MPP2: variants seen among roughly 807,000 people sequenced by gnomAD.
MPP2 encodes the protein MAGUK p55 scaffold protein 2.
Under a neutral mutation model 58.5 loss-of-function variants are expected in MPP2, and 42 were observed. The ratio of observed to expected loss-of-function variants is 0.72; its 90% confidence interval spans 0.56 to 0.93. The LOEUF (loss-of-function observed/expected upper bound fraction) is 0.93. MPP2 is among the 40% of genes least tolerant of loss of function. The pLI is 0.00. For missense variants in MPP2, 632 were observed against 760.4 expected, an observed-to-expected ratio of 0.83 and a Z score of 1.99; for synonymous variants, 300 against 307.8, an observed-to-expected ratio of 0.97 and a Z score of 0.26.
In MPP2 at chr17:43,877,451, G is replaced by C. The variant is rs531454984; in HGVS notation, c.*356C>G. ...CTGGTGACTGGGGAGGGGTGGCAGG[G>C]GGCAGTGTGCCTACTGACCATGTGG... On this transcript the variant is annotated 3_prime_UTR_variant, in exon 13 of 13. Coordinates refer to ENST00000269095, the MANE Select transcript of MPP2 (RefSeq NM_005374.5). 20 of 196,538 alleles carry C rather than the reference G, an allele frequency of 1.0e-4. No individual in the cohort carries two copies. Among genetic ancestry groups the C allele is most frequent in the African/African-American group, 4.3e-4 (19 of 43,984 alleles). The allele number at this position is 196,538 out of a possible 1,614,324, so 12.2% of individuals were successfully genotyped here. A position where few individuals can be genotyped will look rare whatever the true frequency, so the allele number is the denominator to read the frequency against.
rs554188601 is a variant in MPP2 at position 43,901,002 on chromosome 17, C to T, written c.32-2622G>A. Among the ~76,000 whole-genome samples, 25 of 152,130 alleles carry T rather than the reference C, an allele frequency of 1.6e-4. No homozygotes were observed. The South Asian group carries it at 4.2e-3, about 25-fold the overall frequency. On this transcript the variant is annotated intron_variant, in intron 2 of 12. Transcript: ENST00000269095. ...TCCCTGTACCCTCTTTTCTAGAAGC[C>T]CCTCCTCTAATACACCCCATGCCAC...
chr17:43,906,036 A>C, intron 1 of MPP2: 2 of 918,404 alleles, frequency 2.2e-6, no homozygotes. Flanking sequence ...CCTAGAGAGC[A>C]GGGAGGAGGG....
chr17:43,887,813 AT>A (rs11311164), intron 3 of MPP2, among the ~76,000 whole-genome samples: 121,052 of 151,248 alleles, frequency 0.8, 49,413 homozygotes, highest in East Asian at 1. Flanking sequence ...CTATTGTTTG[AT>A]TTTTTTTTTA....
intron 3 of MPP2, among the ~76,000 whole-genome samples, chr17:43,894,905 T>C (rs1014870446): frequency 2.5e-4 from 38 of 152,176 alleles, no homozygotes; most frequent in African/African-American, 8.7e-4. Flanking sequence ...ATTGTTCCAC[T>C]GTACTCCAAC....
chr17:43,878,426 A>G (rs1385034186), intron 12 of MPP2, among the ~76,000 whole-genome samples: 4 of 152,134 alleles, frequency 2.6e-5, no homozygotes, highest in African/African-American at 9.7e-5. Context: ...AGGGCAATCC[A>G]CAAGTACCCA....
intron 1 of MPP2, among the ~76,000 whole-genome samples, chr17:43,906,542 T>TC (rs2048295325): frequency 6.6e-6 from 1 of 151,942 alleles, no homozygotes; most frequent in Non-Finnish European, 1.5e-5. Flanking sequence ...CATCCCTCCA[T>TC]CCATACACAT....
At position 43,898,247 on chromosome 17, in the gene MPP2, C is replaced by G; in HGVS notation, c.150+15G>C. ...AGCACAGTGCCCTTGTGCCCACCTC[C>G]CTGGAGCACTGTACCTTGGCCAGGG... On this transcript the variant is annotated intron_variant, in intron 3 of 12. Transcript: ENST00000269095. The G allele has an allele frequency of 6.2e-7, 1 of 1,601,600 alleles. No homozygotes were observed. Among genetic ancestry groups the G allele is most frequent in the Non-Finnish European group, 8.6e-7 (1 of 1,168,582 alleles).
chr17:43,882,796 C>G, intron 5 of MPP2, 107 bp downstream of exon 5: 1 of 1,512,484 alleles, frequency 6.6e-7, no homozygotes, highest in Non-Finnish European at 9.1e-7. Context: ...ACAAAGCTGG[C>G]CCCATCTTCA....
upstream of MPP2, among the ~76,000 whole-genome samples, chr17:43,909,241 T>A (rs1597825302): frequency 6.6e-6 from 1 of 152,202 alleles, no homozygotes; most frequent in East Asian, 1.9e-4. Flanking sequence ...TAATTTTGTA[T>A]TTTTAGTAGA....
intron 2 of MPP2, among the ~76,000 whole-genome samples, chr17:43,899,735 G>C (rs1166732178): frequency 5.9e-5 from 9 of 152,046 alleles, no homozygotes; most frequent in Admixed American, 5.2e-4. Flanking sequence ...CCCGAAATGG[G>C]ACATAATGGA....
intron 1 of MPP2, chr17:43,906,202 TG>T (rs2048280354): frequency 1.1e-6 from 1 of 924,696 alleles, no homozygotes; most frequent in Non-Finnish European, 1.3e-6. Context: ...ATGAAATCCC[TG>T]CGCTCGGAAG....
chr17:43,902,257 C>A (rs1406939928), intron 2 of MPP2, among the ~76,000 whole-genome samples: 1 of 152,126 alleles, frequency 6.6e-6, no homozygotes, highest in Admixed American at 6.5e-5. Context: ...ACCGCCACAC[C>A]CCAAGGCTCC....
At chr17:43,896,108 C>A (rs563911614) in intron 3 of MPP2, among the ~76,000 whole-genome samples, 102 of 152,238 alleles carry the variant, frequency 6.7e-4, no homozygotes, top group Non-Finnish European at 3.2e-4. Context: ...GTGACAGAGT[C>A]CCCGCTCTAC....
intron 3 of MPP2, among the ~76,000 whole-genome samples, chr17:43,897,986 A>G (rs2047918738): frequency 6.6e-6 from 1 of 152,222 alleles, no homozygotes; most frequent in African/African-American, 2.4e-5. Context: ...GAGATTCTCC[A>G]ACATGTGCAT....
intron 3 of MPP2, 147 bp from the exon 4 acceptor site, chr17:43,883,502 C>T: frequency 3.7e-6 from 3 of 808,852 alleles, no homozygotes; most frequent in Non-Finnish European, 5.7e-6. Context: ...ACAATCATAC[C>T]CACACGTGCA....
chr17:43,901,165 G>A, intron 2 of MPP2: 2 of 727,414 alleles, frequency 2.7e-6, no homozygotes, highest in Non-Finnish European at 3.4e-6. Context: ...TGGGCATGGG[G>A]CAAATACCTC....
At position 43,876,090 on chromosome 17, in the gene MPP2, GC is replaced by G; in HGVS notation, c.*1716del. The stretch of plus-strand genomic sequence containing the variant: ...CACCAACGAGATGGGGGCAGGCCTG[GC>G]CTTTCCACCCCATGTGTATAGTCTA... On this transcript the variant is annotated 3_prime_UTR_variant, in exon 13 of 13. Coordinates refer to ENST00000269095, the MANE Select transcript of MPP2 (RefSeq NM_005374.5). 1 of 152,728 alleles carries G rather than the reference GC, an allele frequency of 6.5e-6. No individual in the cohort carries two copies. Among genetic ancestry groups the G allele is most frequent in the East Asian group, 1.9e-4 (1 of 5,194 alleles). The allele number at this position is 152,728 out of a possible 1,614,324, so 9.5% of individuals were successfully genotyped here. A position where few individuals can be genotyped will look rare whatever the true frequency, so the allele number is the denominator to read the frequency against.
chr17:43,901,852 G>A (rs2048108550), intron 2 of MPP2, among the ~76,000 whole-genome samples: 1 of 152,194 alleles, frequency 6.6e-6, no homozygotes, highest in African/African-American at 2.4e-5. Context: ...GGGTCTCCCT[G>A]CAAGAGGAAT....
intron 12 of MPP2, among the ~76,000 whole-genome samples, chr17:43,878,364 C>G (rs887189387): frequency 5.3e-5 from 8 of 152,168 alleles, no homozygotes; most frequent in Admixed American, 2.0e-4. Flanking sequence ...AGCCAGTGCT[C>G]CCTCAAGTCT....
Sources: allele counts gnomAD v4.1 joint callset (sites outside exome capture counted in the v4.1 genomes callset), GRCh38; gene constraint gnomAD v4.1.1; transcripts MANE v1.5; gene names NCBI Gene and HGNC (gene_info 2026-07-23, HGNC 2026-07-21).